The following FGF7 variants were observed in gnomAD, a reference collection of about 807,000 sequenced individuals.
FGF7 encodes FGF-7.
FGF7 carries 6 observed loss-of-function variants against 20.5 expected under a neutral mutation model. That is an observed-to-expected ratio of 0.29 (90% CI 0.16 to 0.58). The LOEUF is 0.58. Among genes scored for constraint, FGF7 ranks in the 20% least tolerant of loss-of-function variants. The pLI is 0.90. For synonymous variants in FGF7, 64 were observed against 74.7 expected (o/e 0.86, Z 0.74); for missense variants, 144 against 228.8 (o/e 0.63, Z 2.39).
At chr15:49,470,991 A>C (rs1399867293) in intron 2 of FGF7, among the ~76,000 whole-genome samples, 1 of 152,238 alleles carries the variant, frequency 6.6e-6, no homozygotes, top group East Asian at 1.9e-4. Context: ...TGTGCCTGAG[A>C]TGGTTACCAA....
At chr15:49,467,195 C>T (rs1266227039) in intron 2 of FGF7, among the ~76,000 whole-genome samples, 1 of 152,128 alleles carries the variant, frequency 6.6e-6, no homozygotes, top group Non-Finnish European at 1.5e-5. Flanking sequence ...AAGCTGCTGT[C>T]TCTGAATTAG....
chr15:49,428,593 C>T (rs758641062), intron 2 of FGF7, among the ~76,000 whole-genome samples: 6 of 151,838 alleles, frequency 4.0e-5, no homozygotes, highest in Admixed American at 6.6e-5. Context: ...ATTGAGGTGC[C>T]GAGTGAGAGA....
At chr15:49,429,147 T>C (rs994968912) in intron 2 of FGF7, among the ~76,000 whole-genome samples, 4 of 151,958 alleles carry the variant, frequency 2.6e-5, no homozygotes, top group Non-Finnish European at 5.9e-5. Flanking sequence ...AAAATAGCAA[T>C]GTAAGGACAA....
At chr15:49,433,481 G>C (rs2050799819) in intron 2 of FGF7, among the ~76,000 whole-genome samples, 1 of 151,572 alleles carries the variant, frequency 6.6e-6, no homozygotes, top group South Asian at 2.1e-4. Flanking sequence ...ATGTAAATAA[G>C]AAATAGATTA....
At chr15:49,478,723 C>T (rs1399546170) in intron 2 of FGF7, among the ~76,000 whole-genome samples, 1 of 151,898 alleles carries the variant, frequency 6.6e-6, no homozygotes, top group Non-Finnish European at 1.5e-5. Context: ...TTAATATATA[C>T]CCCTTCAAAA....
intron 2 of FGF7, among the ~76,000 whole-genome samples, chr15:49,471,829 A>G (rs1266198119): frequency 6.6e-6 from 1 of 152,140 alleles, no homozygotes; most frequent in African/African-American, 2.4e-5. Flanking sequence ...ACGTGTATCA[A>G]GATCTAAAGG....
intron 2 of FGF7, among the ~76,000 whole-genome samples, chr15:49,434,103 A>G (rs1355588547): frequency 6.6e-6 from 1 of 151,556 alleles, no homozygotes; most frequent in African/African-American, 2.4e-5. Context: ...TAGTGCCAGT[A>G]GCCTGATCTT....
intron 2 of FGF7, among the ~76,000 whole-genome samples, chr15:49,479,599 G>GTTTTTTTGTTTTTTT (rs2055712240): frequency 2.2e-4 from 14 of 63,320 alleles, no homozygotes; most frequent in African/African-American, 8.2e-4. Flanking sequence ...TAATACCTCT[G>GTTTTTTTGTTTTTTT]TTTTTTTTTT....
chr15:49,428,388 G>A (rs1205676894), intron 2 of FGF7, among the ~76,000 whole-genome samples: 1 of 151,942 alleles, frequency 6.6e-6, no homozygotes, highest in African/African-American at 2.4e-5. Flanking sequence ...TTTCTCTGCA[G>A]AAGAAGAAGA....
chr15:49,475,355 G>A (rs1455256398), intron 2 of FGF7, among the ~76,000 whole-genome samples: 6 of 152,204 alleles, frequency 3.9e-5, no homozygotes, highest in Non-Finnish European at 7.3e-5. Context: ...TTCTGGCTAC[G>A]TGTTCAAGAA....
intron 2 of FGF7, among the ~76,000 whole-genome samples, chr15:49,473,359 A>T (rs567008768): frequency 6.6e-6 from 1 of 152,182 alleles, no homozygotes; most frequent in Admixed American, 6.5e-5. Flanking sequence ...TATAAAGAAC[A>T]TTGAGTTAAA....
chr15:49,441,411 T>C (rs2051630612), intron 2 of FGF7, among the ~76,000 whole-genome samples: 1 of 151,636 alleles, frequency 6.6e-6, no homozygotes, highest in Non-Finnish European at 1.5e-5. Context: ...CAACACAAGA[T>C]GAAGTAAAAT....
chr15:49,480,388 A>C (rs1387278146), intron 2 of FGF7, among the ~76,000 whole-genome samples: 1 of 151,080 alleles, frequency 6.6e-6, no homozygotes, highest in Non-Finnish European at 1.5e-5. Flanking sequence ...GCTCATTGCA[A>C]CCTCTGCCTC....
At chr15:49,452,347 C>A (rs925249300) in intron 2 of FGF7, among the ~76,000 whole-genome samples, 11 of 152,114 alleles carry the variant, frequency 7.2e-5, no homozygotes, top group Non-Finnish European at 1.0e-4. Context: ...GCCACTGCAC[C>A]CGGCCCCAAC....
At chr15:49,457,141 A>G (rs1251228183) in intron 2 of FGF7, among the ~76,000 whole-genome samples, 1 of 152,082 alleles carries the variant, frequency 6.6e-6, no homozygotes, top group Non-Finnish European at 1.5e-5. Context: ...TGAACAGTAG[A>G]GAACTACTAA....
At chr15:49,427,059 A>C (rs1016084894) in intron 2 of FGF7, among the ~76,000 whole-genome samples, 2 of 151,982 alleles carry the variant, frequency 1.3e-5, no homozygotes, top group Non-Finnish European at 2.9e-5. Context: ...TACAATGAAG[A>C]ATATATGGAG....
intron 2 of FGF7, among the ~76,000 whole-genome samples, chr15:49,447,923 C>T (rs1461802874): frequency 2.0e-5 from 3 of 151,656 alleles, no homozygotes; most frequent in Non-Finnish European, 4.4e-5. Flanking sequence ...AATCCTCAGG[C>T]TCGTGTCCTT....
chr15:49,465,706 G>C (rs2054209304), intron 2 of FGF7, among the ~76,000 whole-genome samples: 2 of 152,026 alleles, frequency 1.3e-5, no homozygotes, highest in Admixed American at 1.3e-4. Context: ...ATTAACCAAG[G>C]AATTTTGTGC....
intron 2 of FGF7, among the ~76,000 whole-genome samples, chr15:49,472,819 G>C (rs2054900425): frequency 6.6e-6 from 1 of 152,178 alleles, no homozygotes; most frequent in Admixed American, 6.5e-5. Context: ...ATGATAAATA[G>C]TAGATGGAAA....
Sources: gnomAD v4.1 joint callset for allele counts (sites outside exome capture counted in the v4.1 genomes callset) on GRCh38, gnomAD v4.1.1 for gene constraint, MANE v1.5 for transcripts, NCBI Gene and HGNC (gene_info 2026-07-23, HGNC 2026-07-21) for gene names.